ST3GAL1: variants seen among roughly 807,000 people sequenced by gnomAD.
The protein encoded by ST3GAL1 is ST3 beta-galactoside alpha-2,3-sialyltransferase 1.
A neutral mutation model predicts 34.1 loss-of-function variants in ST3GAL1; 16 were observed. That is an observed-to-expected ratio of 0.47 (90% confidence interval 0.32 to 0.71). ST3GAL1 has a LOEUF of 0.71. ST3GAL1 is among the 30% of genes least tolerant of loss of function. The pLI, the probability that ST3GAL1 is intolerant of heterozygous loss-of-function variation, is 0.04. For synonymous variants in ST3GAL1, 191 were observed against 184.7 expected (o/e 1.03, Z -0.28); for missense variants, 353 against 447.4 (o/e 0.79, Z 1.90).
intron 3 of ST3GAL1, among the ~76,000 whole-genome samples, chr8:133,487,642 T>C (rs73359247): frequency 0.025 from 3,838 of 152,304 alleles, 142 homozygotes; most frequent in African/African-American, 0.085. Flanking sequence ...CATCTAGCAG[T>C]TGCTGTCAAG....
At chr8:133,489,904 T>C (rs1265714082) in intron 3 of ST3GAL1, among the ~76,000 whole-genome samples, 1 of 152,150 alleles carries the variant, frequency 6.6e-6, no homozygotes, top group Non-Finnish European at 1.5e-5. Flanking sequence ...CATTGTTTGA[T>C]AAGCCTGCAG....
At chr8:133,463,019 G>A (rs1220013881) in intron 8 of ST3GAL1, among the ~76,000 whole-genome samples, 1 of 152,252 alleles carries the variant, frequency 6.6e-6, no homozygotes, top group African/African-American at 2.4e-5. Context: ...GGCCTGCTGG[G>A]GAAGATGGAG....
At chr8:133,474,432 C>A (rs1816079620) in intron 5 of ST3GAL1, among the ~76,000 whole-genome samples, 1 of 152,224 alleles carries the variant, frequency 6.6e-6, no homozygotes, top group Non-Finnish European at 1.5e-5. Context: ...ATATATCTTG[C>A]TCTTCTTCGA....
At chr8:133,500,391 C>T (rs775962923) in intron 2 of ST3GAL1, among the ~76,000 whole-genome samples, 7 of 152,164 alleles carry the variant, frequency 4.6e-5, no homozygotes, top group South Asian at 2.1e-4. Context: ...AGAAACAACT[C>T]GAAAGGGACA....
intron 1 of ST3GAL1, among the ~76,000 whole-genome samples, chr8:133,551,548 A>C (rs1430859801): frequency 1.9e-4 from 7 of 36,398 alleles, no homozygotes; most frequent in African/African-American, 7.6e-4. Flanking sequence ...GAAGGAAAGA[A>C]AGAAAGAAAG....
intron 2 of ST3GAL1, among the ~76,000 whole-genome samples, chr8:133,532,059 A>G (rs1264402508): frequency 6.6e-6 from 1 of 152,256 alleles, no homozygotes; most frequent in Non-Finnish European, 1.5e-5. Context: ...AGAGGCAGAG[A>G]TGAAAACCCA....
Position 133,465,027 on chromosome 8 carries a change from G to A in ST3GAL1, c.504-70C>T, listed in dbSNP as rs549722890. On this transcript the variant is annotated intron_variant, in intron 6 of 9. Transcript: ENST00000522652. Reference sequence around the variant, plus strand: ...CGTTCTCAGACAGCCTGAGAGCTCCGAGAGAGTGAGCCTCCAGTGTGACTT... The same window carrying A: ...CGTTCTCAGACAGCCTGAGAGCTCCAAGAGAGTGAGCCTCCAGTGTGACTT... The A allele has an allele frequency of 6.7e-6, 10 of 1,496,392 alleles. No homozygotes were observed. The East Asian group carries it at 7.0e-5, about 10-fold the overall frequency. 92.7% of individuals were successfully genotyped at this position (1,496,392 alleles called of 1,614,324 possible). A position where few individuals can be genotyped will look rare whatever the true frequency, so the allele number is the denominator to read the frequency against.
At chr8:133,465,787 C>A (rs1366004046) in intron 6 of ST3GAL1, 107 bp downstream of exon 6, 2 of 1,320,950 alleles carry the variant, frequency 1.5e-6, no homozygotes, top group South Asian at 1.4e-5. Flanking sequence ...TAAGTTCAGT[C>A]CCAGGACTGA....
At chr8:133,534,532 G>T (rs1430682900) in intron 2 of ST3GAL1, among the ~76,000 whole-genome samples, 1 of 152,178 alleles carries the variant, frequency 6.6e-6, no homozygotes, top group African/African-American at 2.4e-5. Context: ...AAGTTAATTG[G>T]AGGCAGACAG....
chr8:133,470,613 C>T (rs971434025), intron 5 of ST3GAL1, among the ~76,000 whole-genome samples: 19 of 152,118 alleles, frequency 1.2e-4, no homozygotes, highest in African/African-American at 3.9e-4. Context: ...CACGGGGCCT[C>T]GGGTCAGCTT....
At chr8:133,464,188 C>T (rs77265837) in intron 7 of ST3GAL1, among the ~76,000 whole-genome samples, 4,139 of 152,294 alleles carry the variant, frequency 0.027, 89 homozygotes, top group African/African-American at 0.057. Flanking sequence ...GGCCGAGCTC[C>T]AGAGTCCTCA....
At chr8:133,487,430 G>A (rs941543318) in intron 3 of ST3GAL1, among the ~76,000 whole-genome samples, 3 of 152,198 alleles carry the variant, frequency 2.0e-5, no homozygotes, top group African/African-American at 7.2e-5. Flanking sequence ...GCATATGTGT[G>A]TGTGTGGATA....
At chr8:133,511,337 G>C (rs1817492289) in intron 2 of ST3GAL1, among the ~76,000 whole-genome samples, 7 of 152,198 alleles carry the variant, frequency 4.6e-5, no homozygotes, top group Admixed American at 4.6e-4. Flanking sequence ...AATTGTTCCA[G>C]CACATCTAAT....
Position 133,459,965 on chromosome 8 carries a change from C to A in ST3GAL1, c.850-28G>T. 6.3e-7 allele frequency: 1 copy of A among 1,589,388 alleles called. No individual in the cohort carries two copies. The highest frequency in any genetic ancestry group is 2.3e-5 in the East Asian group (1 of 44,018). ...GTGGGAGCAAAGCAAAGATGAGAAC[C>A]AGACAGCAGGGCTGCTGGTGGCACC... On this transcript the variant is annotated intron_variant, in intron 9 of 9. Coordinates refer to ENST00000522652, the MANE Select transcript of ST3GAL1 (RefSeq NM_173344.3). The surrounding 1 kb of genome is among the most constrained non-coding windows in gnomAD (Gnocchi z 4.7).
chr8:133,492,239 G>A (rs1586614024), intron 3 of ST3GAL1, among the ~76,000 whole-genome samples: 1 of 152,126 alleles, frequency 6.6e-6, no homozygotes. Context: ...GAGAGACTGA[G>A]ATACTAGTAT....
At chr8:133,557,535 C>G (rs1412943922) in intron 1 of ST3GAL1, among the ~76,000 whole-genome samples, 1 of 152,164 alleles carries the variant, frequency 6.6e-6, no homozygotes, top group Non-Finnish European at 1.5e-5. Flanking sequence ...CAGCCAGGCC[C>G]TGTCTGTGCT....
At chr8:133,471,389 C>T (rs1008154230) in intron 5 of ST3GAL1, among the ~76,000 whole-genome samples, 1 of 152,190 alleles carries the variant, frequency 6.6e-6, no homozygotes, top group Admixed American at 6.5e-5. Flanking sequence ...AGAAATGGCT[C>T]GTGCAGGACT....
chr8:133,524,637 A>C (rs1817909110), intron 2 of ST3GAL1, among the ~76,000 whole-genome samples: 1 of 152,270 alleles, frequency 6.6e-6, no homozygotes, highest in Non-Finnish European at 1.5e-5. Flanking sequence ...CACAGGGTCC[A>C]GCCACTGTGC....
chr8:133,501,904 T>C (rs1192348314), intron 2 of ST3GAL1, among the ~76,000 whole-genome samples: 1 of 152,098 alleles, frequency 6.6e-6, no homozygotes, highest in South Asian at 2.1e-4. Flanking sequence ...ATGAGGTGCA[T>C]CCTGGCTGGC....
Sources: gnomAD v4.1 joint callset for allele counts (sites outside exome capture counted in the v4.1 genomes callset) on GRCh38, gnomAD v4.1.1 for gene constraint, Gnocchi (gnomAD v3.1) non-coding constraint, MANE v1.5 for transcripts, NCBI Gene and HGNC (gene_info 2026-07-23, HGNC 2026-07-21) for gene names.